Variants in EFCAB7 observed in about 807,000 individuals in gnomAD.
EFCAB7 encodes EF-hand calcium binding domain 7, also known as EF-hand calcium-binding domain-containing protein 7.
EFCAB7 carries 66 observed loss-of-function variants against 77.1 expected under a neutral mutation model. The observed-to-expected ratio is 0.86, with a 90% CI of 0.70 to 1.05. The LOEUF (loss-of-function observed/expected upper bound fraction) is 1.05, where lower values mean the gene tolerates loss of function less well. EFCAB7 is among the 50% of genes least tolerant of loss of function. The pLI, the probability that EFCAB7 is intolerant of heterozygous loss-of-function variation, is 0.00. For missense variants in EFCAB7, 638 were observed against 730.5 expected, an observed-to-expected ratio of 0.87 and a Z score of 1.46; for synonymous variants, 225 against 243.3, an observed-to-expected ratio of 0.92 and a Z score of 0.70.
At chr1:63,569,764 T>G (rs1647213796) in intron 12 of EFCAB7, 1 of 152,204 alleles carries the variant, frequency 6.6e-6, no homozygotes, top group Non-Finnish European at 1.5e-5. Context: ...AGTTTAGACT[T>G]GATTAACTAA....
the EFCAB7 span, among the ~76,000 whole-genome samples, chr1:63,583,938 CAAAAAAAA>C: frequency 9.7e-5 from 8 of 82,638 alleles, no homozygotes; most frequent in South Asian, 4.6e-4. Flanking sequence ...TGGATATGGC[CAAAAAAAA>C]AAAAAAAAAA....
chr1:63,562,449 TTATATATATATATA>T lies in EFCAB7; in HGVS notation c.1497+625_1497+638del, dbSNP rs869302346. ...TAAAAATTAGGCCTTCTTAATTTAT[TTATATATATATATA>T]TATATATATATATATATATATATAT... On this transcript the variant is annotated intron_variant, in intron 11 of 13. Coordinates refer to ENST00000371088, the MANE Select transcript of EFCAB7 (RefSeq NM_032437.4). 2.6e-3 allele frequency among the ~76,000 whole-genome samples: 58 copies of T among 22,486 alleles called. 2 individuals are homozygous for T. Among genetic ancestry groups the T allele is most frequent in the Middle Eastern group, 0.071 (1 of 14 alleles). 14.8% of individuals were successfully genotyped at this position (22,486 alleles called of 152,430 possible).
At chr1:63,581,382 TAAAAAAA>T in the EFCAB7 span, among the ~76,000 whole-genome samples, 140 of 99,024 alleles carry the variant, frequency 1.4e-3, 1 homozygote, top group Admixed American at 7.3e-4. Flanking sequence ...TCCCGTCTCT[TAAAAAAA>T]AAAAAAAAAA....
chr1:63,582,075 C>T, the EFCAB7 span, among the ~76,000 whole-genome samples: 1 of 152,178 alleles, frequency 6.6e-6, no homozygotes, highest in African/African-American at 2.4e-5. Flanking sequence ...TTGTGAGTAT[C>T]CACTGAAAAC....
intron 7 of EFCAB7, chr1:63,547,643 G>C (rs1646915121): frequency 6.6e-6 from 1 of 152,228 alleles, no homozygotes; most frequent in Non-Finnish European, 1.5e-5. Flanking sequence ...TCATGAATCA[G>C]TAGATCTGTT....
chr1:63,528,717 C>A (rs528242446), intron 2 of EFCAB7, among the ~76,000 whole-genome samples: 5 of 151,736 alleles, frequency 3.3e-5, no homozygotes, highest in Non-Finnish European at 7.4e-5. Flanking sequence ...AAAAAAAGAA[C>A]CTTAGAAAAA....
chr1:63,526,854 TC>T (rs935411547), intron 2 of EFCAB7, among the ~76,000 whole-genome samples: 3 of 152,184 alleles, frequency 2.0e-5, no homozygotes, highest in Admixed American at 6.5e-5. Flanking sequence ...AGCCTCTGCC[TC>T]CTGGGTTCCA....
intron 6 of EFCAB7, among the ~76,000 whole-genome samples, chr1:63,540,756 C>G (rs1293241407): frequency 6.6e-6 from 1 of 152,102 alleles, no homozygotes; most frequent in Non-Finnish European, 1.5e-5. Context: ...ATTAAAAATA[C>G]ACATATCTTG....
chr1:63,568,268 A>T, intron 11 of EFCAB7, 42 bp from the exon 12 acceptor site: 11 of 1,468,474 alleles, frequency 7.5e-6, no homozygotes, highest in Non-Finnish European at 1.0e-5. Context: ...TTTATTTAAA[A>T]TTCTATCAAA....
intron 6 of EFCAB7, among the ~76,000 whole-genome samples, chr1:63,540,235 G>T (rs1357123376): frequency 6.6e-6 from 1 of 151,714 alleles, no homozygotes; most frequent in Non-Finnish European, 1.5e-5. Flanking sequence ...GTGGTGGCAG[G>T]CCCCTGTAAT....
In EFCAB7 at chr1:63,525,626, T is replaced by C. The variant is rs1646575225; in HGVS notation, c.54T>C (p.Pro18=). The C allele has an allele frequency of 1.9e-6, 3 of 1,597,530 alleles. No homozygotes were observed. The highest frequency in any genetic ancestry group is 2.5e-6 in the Non-Finnish European group (3 of 1,176,502). ...CTTTCTCCAGTCAGAAATCAACACCTTCAGAGAGTCCTCGAACAAAGAAAT... is the reference window on the plus strand; with the variant it reads ...CTTTCTCCAGTCAGAAATCAACACCCTCAGAGAGTCCTCGAACAAAGAAAT... ...DATFSSQKST[P]SESPRTKKFP... Residue 18 remains proline (P), a synonymous_variant, in exon 2 of 14, where the codon CCT becomes CCC. Coordinates refer to ENST00000371088, the MANE Select transcript of EFCAB7 (RefSeq NM_032437.4).
intron 6 of EFCAB7, among the ~76,000 whole-genome samples, chr1:63,540,914 A>G (rs1264335635): frequency 2.0e-5 from 3 of 152,180 alleles, no homozygotes; most frequent in Non-Finnish European, 4.4e-5. Flanking sequence ...ACTTGTATAA[A>G]TTGAGAAATA....
intron 2 of EFCAB7, chr1:63,529,979 C>A (rs1646666868): frequency 6.6e-6 from 1 of 152,030 alleles, no homozygotes; most frequent in African/African-American, 2.4e-5. Context: ...AGGTGACCTG[C>A]CCACCTCGGC....
chr1:63,576,246 G>A (rs1224523626), downstream of EFCAB7, among the ~76,000 whole-genome samples: 2 of 152,118 alleles, frequency 1.3e-5, no homozygotes, highest in African/African-American at 4.8e-5. Flanking sequence ...TTGGGAGGCC[G>A]AGGCTGGCAG....
chr1:63,529,817 C>G (rs1282520146), intron 2 of EFCAB7: 3 of 152,176 alleles, frequency 2.0e-5, no homozygotes, highest in Non-Finnish European at 4.4e-5. Context: ...TTACTGCAGT[C>G]TCCGCCTCCC....
In EFCAB7 at chr1:63,532,738, C is replaced by A; in HGVS notation, c.468C>A (p.Gly156=). Residue 156 remains glycine (G), a synonymous_variant, in exon 4 of 14, where the codon GGC becomes GGA. Coordinates refer to ENST00000371088, the MANE Select transcript of EFCAB7 (RefSeq NM_032437.4). The stretch of plus-strand genomic sequence containing the variant: ...ATTTGGCTGATGTAAATGCTGATGG[C>A]AAATTTGACTACATCAAGGTACATA... ...IINLADVNAD[G]KFDYIKFCKL... 1 of 1,606,188 alleles carries A rather than the reference C, an allele frequency of 6.2e-7. No individual in the cohort carries two copies. The highest frequency in any genetic ancestry group is 2.2e-5 in the East Asian group (1 of 44,468).
chr1:63,565,941 G>C (rs541943261), intron 11 of EFCAB7, among the ~76,000 whole-genome samples: 1 of 152,212 alleles, frequency 6.6e-6, no homozygotes, highest in South Asian at 2.1e-4. Flanking sequence ...AAGACAGTAT[G>C]GTGATTCCTC....
chr1:63,563,944 A>T (rs191572633), intron 11 of EFCAB7, among the ~76,000 whole-genome samples: 1 of 152,242 alleles, frequency 6.6e-6, no homozygotes, highest in Admixed American at 6.5e-5. Context: ...TGAAACTTAC[A>T]TGTTTAGTTT....
At chr1:63,565,754 T>C (rs1647163367) in intron 11 of EFCAB7, among the ~76,000 whole-genome samples, 1 of 152,040 alleles carries the variant, frequency 6.6e-6, no homozygotes. Flanking sequence ...AACAATCATA[T>C]GAAAAAAAGT....
Sources: allele counts gnomAD v4.1 joint callset (sites outside exome capture counted in the v4.1 genomes callset), GRCh38; gene constraint gnomAD v4.1.1; transcripts MANE v1.5; gene names NCBI Gene and HGNC (gene_info 2026-07-23, HGNC 2026-07-21).